The following COL18A1 variants were observed in gnomAD, a reference collection of about 807,000 sequenced individuals.
The protein encoded by COL18A1 is collagen type XVIII alpha 1 chain.
A neutral mutation model predicts 168.0 loss-of-function variants in COL18A1; 133 were observed. That is an observed-to-expected ratio of 0.79 (90% CI 0.69 to 0.91). The LOEUF (loss-of-function observed/expected upper bound fraction) is 0.91, where lower values mean the gene tolerates loss of function less well. COL18A1 is among the 40% of genes least tolerant of loss of function. The pLI is 0.00. For missense variants in COL18A1, 2,126 were observed against 1,925.4 expected (o/e 1.10, Z -1.95); for synonymous variants, 949 against 809.0 (o/e 1.17, Z -2.94).
intron 2 of COL18A1, among the ~76,000 whole-genome samples, chr21:45,413,577 C>T (rs1162468303): frequency 6.6e-6 from 1 of 152,142 alleles, no homozygotes; most frequent in Admixed American, 6.5e-5. Flanking sequence ...AAAGTTTAGC[C>T]TCATGTGCTG....
At chr21:45,429,067 A>AT (rs1355552353) in intron 2 of COL18A1, among the ~76,000 whole-genome samples, 20 of 151,502 alleles carry the variant, frequency 1.3e-4, no homozygotes, top group East Asian at 3.9e-4. Context: ...CACCCGGCCA[A>AT]TTTTTTTGTA....
At chr21:45,480,190 G>T (rs750656263) in intron 11 of COL18A1, 34 bp downstream of exon 11, 5 of 1,307,966 alleles carry the variant, frequency 3.8e-6, no homozygotes, top group Non-Finnish European at 5.5e-6. Flanking sequence ...GCGACCCGGG[G>T]TCTGCCCTCC....
rs1286624194 is a variant in COL18A1 at position 45,505,886 on chromosome 21, G to T, written c.3136G>T (p.Val1046Phe). 6.2e-7 allele frequency: 1 copy of T among 1,612,824 alleles called. No individual in the cohort carries two copies. The highest frequency in any genetic ancestry group is 8.5e-7 in the Non-Finnish European group (1 of 1,179,942). Residue 1046 changes from valine to phenylalanine, a missense_variant, in exon 37 of 42, where the codon GTT becomes TTT. Transcript: ENST00000651438. Reference sequence around the variant, plus strand: ...GGCCATGCTGGGCCAGGTGCACGAGGTTCCCGAGGGCTGGCTCATCTTCGT... The same window carrying T: ...GGCCATGCTGGGCCAGGTGCACGAGTTTCCCGAGGGCTGGCTCATCTTCGT... Reference protein sequence around the residue: ...RQAMLGQVHEVPEGWLIFVAE... With the variant: ...RQAMLGQVHEFPEGWLIFVAE...
chr21:45,454,268 G>A (rs1041174426), intron 2 of COL18A1, among the ~76,000 whole-genome samples: 8 of 152,262 alleles, frequency 5.3e-5, no homozygotes, highest in East Asian at 1.9e-4. Context: ...GACAGCAATC[G>A]ACCGATGGCT....
At chr21:45,431,395 G>C (rs530011580) in intron 2 of COL18A1, among the ~76,000 whole-genome samples, 1 of 141,966 alleles carries the variant, frequency 7.0e-6, no homozygotes, top group African/African-American at 2.6e-5. Context: ...CCAGGGGAGG[G>C]GGGCAGGCAG....
intron 6 of COL18A1, 106 bp from the exon 7 acceptor site, chr21:45,477,305 T>C (rs535209102): frequency 2.4e-6 from 2 of 847,562 alleles, no homozygotes; most frequent in Admixed American, 2.0e-5. Context: ...CCAGCCGGGC[T>C]CCAGGACTGA....
chr21:45,440,733 G>A (rs1449215618), intron 2 of COL18A1, among the ~76,000 whole-genome samples: 1 of 151,770 alleles, frequency 6.6e-6, no homozygotes, highest in Non-Finnish European at 1.5e-5. Context: ...CAGGGCCTGC[G>A]GGGGTTTATG....
intron 38 of COL18A1, among the ~76,000 whole-genome samples, 197 bp downstream of exon 38, chr21:45,507,790 C>T (rs768916212): frequency 8.5e-5 from 13 of 152,316 alleles, no homozygotes; most frequent in Admixed American, 4.6e-4. Flanking sequence ...CCAGTACCTC[C>T]GTCTCAGCTG....
chr21:45,452,415 T>C (rs2034642032), intron 2 of COL18A1, among the ~76,000 whole-genome samples: 1 of 151,864 alleles, frequency 6.6e-6, no homozygotes, highest in African/African-American at 2.4e-5. Context: ...CGTGTGTGTA[T>C]ATATGTGAGC....
intron 13 of COL18A1, 57 bp downstream of exon 13, chr21:45,480,915 G>T: frequency 6.4e-7 from 1 of 1,558,566 alleles, no homozygotes; most frequent in Non-Finnish European, 8.7e-7. Context: ...AGTGAGGGGT[G>T]AACACCCCAC....
chr21:45,495,989 CAT>C (rs945525402), intron 29 of COL18A1: 15 of 342,944 alleles, frequency 4.4e-5, no homozygotes, highest in South Asian at 1.2e-4. Flanking sequence ...CACCAATACA[CAT>C]ATATGCACAC....
At position 45,476,336 on chromosome 21, in the gene COL18A1, C is replaced by A; in HGVS notation, c.799-15C>A. On this transcript the variant is annotated splice_polypyrimidine_tract_variant and intron_variant, in intron 5 of 41. Coordinates refer to ENST00000651438, the MANE Select transcript of COL18A1 (RefSeq NM_001379500.1). ...GCCGGCCGAATAACAGGCCACCTCC[C>A]CTCTCGTCCTCCAGGGCGCGGCCCT... 1 of 1,613,870 alleles carries A rather than the reference C, an allele frequency of 6.2e-7. No individual in the cohort carries two copies. The highest frequency in any genetic ancestry group is 2.2e-5 in the East Asian group (1 of 44,888).
intron 3 of COL18A1, among the ~76,000 whole-genome samples, chr21:45,472,067 G>A (rs1009575989): frequency 1.3e-5 from 2 of 152,166 alleles, no homozygotes; most frequent in African/African-American, 4.8e-5. Flanking sequence ...AGAGCGCTGT[G>A]GCCACCTGTG....
chr21:45,499,264 T>TGGAG (rs141189367), intron 32 of COL18A1, among the ~76,000 whole-genome samples: 6,291 of 151,946 alleles, frequency 0.041, 329 homozygotes, highest in African/African-American at 0.12. Flanking sequence ...GTGTCGGCAG[T>TGGAG]GGAGGGTATT....
chr21:45,422,857 T>C (rs1409917535), intron 2 of COL18A1, among the ~76,000 whole-genome samples: 1 of 151,830 alleles, frequency 6.6e-6, no homozygotes, highest in Non-Finnish European at 1.5e-5. Context: ...GCATGATCTC[T>C]GGTCACTGCA....
rs184584212 is a variant in COL18A1, at chr21:45,406,838, C to T, written c.106+1365C>T. Reference sequence around the variant, plus strand: ...ATAGAAAAAACAAAAACTGTTAACGCGAGCTTTGGTGAGATGCAATCTTGA... The same window carrying T: ...ATAGAAAAAACAAAAACTGTTAACGTGAGCTTTGGTGAGATGCAATCTTGA... On this transcript the variant is annotated intron_variant, in intron 2 of 41. Coordinates refer to ENST00000651438, the MANE Select transcript of COL18A1 (RefSeq NM_001379500.1). 7.2e-5 allele frequency among the ~76,000 whole-genome samples: 11 copies of T among 152,356 alleles called. No individual in the cohort carries two copies. In the East Asian group the frequency reaches 1.7e-3, roughly 24 times the overall value.
chr21:45,480,687 C>T lies in COL18A1; in HGVS notation c.1453-13C>T, dbSNP rs370062804. Reference sequence around the variant, plus strand: ...CACATGGGCTGTGACTATCTGTGTTCGCCCACGTCCAGGGTCCTCGAGGCT... The same window carrying T: ...CACATGGGCTGTGACTATCTGTGTTTGCCCACGTCCAGGGTCCTCGAGGCT... On this transcript the variant is annotated splice_polypyrimidine_tract_variant and intron_variant, in intron 12 of 41. Coordinates refer to ENST00000651438, the MANE Select transcript of COL18A1 (RefSeq NM_001379500.1). 53 of 1,610,722 alleles carry T rather than the reference C, an allele frequency of 3.3e-5. No homozygotes were observed. Among genetic ancestry groups the T allele is most frequent in the African/African-American group, 1.6e-4 (12 of 75,018 alleles).
chr21:45,437,624 GCACA>G (rs561785406), intron 2 of COL18A1, among the ~76,000 whole-genome samples: 2 of 31,612 alleles, frequency 6.3e-5, no homozygotes, highest in Non-Finnish European at 9.9e-5. Context: ...GCACTCTCCT[GCACA>G]CACACTCACA....
At chr21:45,479,178 G>A (rs546225741) in intron 9 of COL18A1, among the ~76,000 whole-genome samples, 204 of 137,570 alleles carry the variant, frequency 1.5e-3, no homozygotes, top group African/African-American at 4.5e-3. Flanking sequence ...GTGACTGCGC[G>A]TGTGTGTGGG....
Sources: gnomAD v4.1 joint callset for allele counts (sites outside exome capture counted in the v4.1 genomes callset) on GRCh38, gnomAD v4.1.1 for gene constraint, MANE v1.5 for transcripts, NCBI Gene and HGNC (gene_info 2026-07-23, HGNC 2026-07-21) for gene names.